Variants in CLASP2 observed in about 807,000 individuals in gnomAD.
The protein encoded by CLASP2 is cytoplasmic linker associated protein 2, also known as CLIP-associating protein 2.
Under a neutral mutation model 194.4 loss-of-function variants are expected in CLASP2, and 47 were observed. That is an observed-to-expected ratio of 0.24 (90% CI 0.19 to 0.31). CLASP2 has a LOEUF of 0.31. Among genes scored for constraint, CLASP2 ranks in the 10% least tolerant of loss-of-function variants. The pLI, the probability that CLASP2 is intolerant of heterozygous loss-of-function variation, is 1.00. For missense variants in CLASP2, 1,445 were observed against 1,823.6 expected (o/e 0.79, Z 3.78); for synonymous variants, 619 against 633.5 (o/e 0.98, Z 0.34).
intron 6 of CLASP2, among the ~76,000 whole-genome samples, chr3:33,680,026 T>C (rs1202101717): frequency 1.3e-5 from 2 of 152,166 alleles, no homozygotes; most frequent in South Asian, 2.1e-4. Context: ...TTCCAGATAA[T>C]GGAAAAGTTT....
intron 27 of CLASP2, among the ~76,000 whole-genome samples, chr3:33,561,179 C>T (rs1437885920): frequency 6.6e-6 from 1 of 152,150 alleles, no homozygotes; most frequent in African/African-American, 2.4e-5. Context: ...AGAAGTTCGA[C>T]AATTAGCTAC....
intron 26 of CLASP2, among the ~76,000 whole-genome samples, chr3:33,566,947 G>T (rs560763622): frequency 6.6e-6 from 1 of 152,156 alleles, no homozygotes; most frequent in South Asian, 2.1e-4. Context: ...AAGAACATAT[G>T]ATTTTGTTTC....
chr3:33,532,233 A>G (rs190921155), intron 34 of CLASP2, among the ~76,000 whole-genome samples: 1 of 152,344 alleles, frequency 6.6e-6, no homozygotes, highest in Admixed American at 6.5e-5. Context: ...ACATGAATCA[A>G]CCTTGAGGAT....
intron 29 of CLASP2, among the ~76,000 whole-genome samples, chr3:33,558,005 A>C (rs1213162350): frequency 6.6e-6 from 1 of 152,224 alleles, no homozygotes; most frequent in Non-Finnish European, 1.5e-5. Flanking sequence ...TCACAGGTAG[A>C]GGACAACGAT....
chr3:33,572,630 A>G (rs1271053201), intron 25 of CLASP2, among the ~76,000 whole-genome samples: 1 of 152,132 alleles, frequency 6.6e-6, no homozygotes, highest in Non-Finnish European at 1.5e-5. Flanking sequence ...CAAAATATTA[A>G]CAAATATCTG....
At chr3:33,677,617 G>A (rs1171953847) in intron 6 of CLASP2, among the ~76,000 whole-genome samples, 2 of 150,472 alleles carry the variant, frequency 1.3e-5, no homozygotes, top group Non-Finnish European at 3.0e-5. Flanking sequence ...TGACGAGTTA[G>A]TGGGTGCAGC....
chr3:33,679,935 AT>A (rs34665932), intron 6 of CLASP2, among the ~76,000 whole-genome samples: 1 of 152,288 alleles, frequency 6.6e-6, no homozygotes, highest in South Asian at 2.1e-4. Context: ...GCAAACTCAC[AT>A]TTTTAGCAGT....
chr3:33,675,829 C>T (rs1333994080), intron 6 of CLASP2, among the ~76,000 whole-genome samples: 1 of 143,360 alleles, frequency 7.0e-6, no homozygotes, highest in African/African-American at 2.5e-5. Flanking sequence ...AACTCCCATT[C>T]ACAATTGCTT....
chr3:33,644,860 T>C lies in CLASP2; in HGVS notation c.759A>G (p.Pro253=). Residue 253 remains proline (P), a synonymous_variant, in exon 8 of 39, where the codon CCA becomes CCG. Transcript: ENST00000682230. ...DDEESVDGNR[P]SSAASAFKVP... is the part of the protein sequence containing the mutation. ...CCTTGAAGGCTGATGCAGCTGATGA[T>C]GGCCTATTTCCATCCACTGATTCTT... 1 of 1,608,562 alleles carries C rather than the reference T, an allele frequency of 6.2e-7. No homozygotes were observed.
intron 6 of CLASP2, among the ~76,000 whole-genome samples, chr3:33,667,628 A>G (rs1249687200): frequency 6.6e-6 from 1 of 152,002 alleles, no homozygotes; most frequent in Non-Finnish European, 1.5e-5. Context: ...TGGCTCTTAC[A>G]TTTGGTTGTA....
chr3:33,631,913 T>C (rs921312351), intron 9 of CLASP2, among the ~76,000 whole-genome samples: 2 of 152,184 alleles, frequency 1.3e-5, no homozygotes, highest in Non-Finnish European at 2.9e-5. Flanking sequence ...ATAACATTTA[T>C]GTGTATTTTT....
chr3:33,645,927 C>CAT (rs1305834324), intron 7 of CLASP2, among the ~76,000 whole-genome samples: 84 of 109,880 alleles, frequency 7.6e-4, no homozygotes, highest in Non-Finnish European at 1.3e-3. Flanking sequence ...CATCTCCCAG[C>CAT]ATACACACAC....
At chr3:33,515,281 C>T (rs982655988) in intron 36 of CLASP2, among the ~76,000 whole-genome samples, 11 of 152,084 alleles carry the variant, frequency 7.2e-5, no homozygotes, top group Middle Eastern at 3.4e-3. Context: ...CTCATAGTTA[C>T]CTAATCGATG....
intron 6 of CLASP2, among the ~76,000 whole-genome samples, chr3:33,671,039 C>G (rs2087072101): frequency 6.6e-6 from 1 of 152,038 alleles, no homozygotes; most frequent in African/African-American, 2.4e-5. Flanking sequence ...TCTAGTTTTC[C>G]ACGTGGAGAA....
chr3:33,716,690 C>A (rs891465711), intron 1 of CLASP2, among the ~76,000 whole-genome samples: 1 of 152,168 alleles, frequency 6.6e-6, no homozygotes. Flanking sequence ...TTTCCCCAAA[C>A]GTTTTAAAAA....
At chr3:33,688,765 T>C (rs565390056) in intron 3 of CLASP2, among the ~76,000 whole-genome samples, 13 of 152,286 alleles carry the variant, frequency 8.5e-5, no homozygotes, top group African/African-American at 2.4e-4. Flanking sequence ...GCAACTAATA[T>C]AGACTCACAT....
At chr3:33,642,841 T>C (rs2081560887) in intron 8 of CLASP2, among the ~76,000 whole-genome samples, 1 of 150,416 alleles carries the variant, frequency 6.6e-6, no homozygotes, top group Non-Finnish European at 1.5e-5. Flanking sequence ...AAATGAGCTC[T>C]GATAAAAAAA....
chr3:33,602,844 C>G (rs1273799292), intron 18 of CLASP2, 108 bp downstream of exon 18: 17 of 1,125,406 alleles, frequency 1.5e-5, no homozygotes, highest in Non-Finnish European at 2.2e-5. Flanking sequence ...AACATATGGA[C>G]TATCCTTAAA....
chr3:33,714,698 A>C (rs1356881228), intron 1 of CLASP2, among the ~76,000 whole-genome samples: 1 of 151,266 alleles, frequency 6.6e-6, no homozygotes, highest in Non-Finnish European at 1.5e-5. Context: ...TTTATAGTCG[A>C]CTCTCCACAA....
Sources: gnomAD v4.1 joint callset for allele counts (sites outside exome capture counted in the v4.1 genomes callset) on GRCh38, gnomAD v4.1.1 for gene constraint, MANE v1.5 for transcripts, NCBI Gene and HGNC (gene_info 2026-07-23, HGNC 2026-07-21) for gene names.